The following EYS variants were observed in gnomAD, a reference collection of about 807,000 sequenced individuals.
EYS encodes protein eyes shut homolog.
In EYS, 250 loss-of-function variants were observed where a neutral mutation model predicts 282.1. The ratio of observed to expected loss-of-function variants is 0.89; its 90% confidence interval spans 0.80 to 0.98. EYS has a LOEUF of 0.98. Among genes scored for constraint, EYS ranks in the 50% least tolerant of loss-of-function variants. The probability of loss-of-function intolerance (pLI) is 0.00; values close to 1 mark genes in which losing one functional copy is unlikely to be tolerated. For synonymous variants in EYS, 1,355 were observed against 1,282.9 expected (o/e 1.06, Z -1.20); for missense variants, 4,016 against 3,709.0 (o/e 1.08, Z -2.15).
chr6:63,969,156 A>C (rs1238893840), intron 35 of EYS, among the ~76,000 whole-genome samples: 1 of 152,086 alleles, frequency 6.6e-6, no homozygotes, highest in African/African-American at 2.4e-5. Context: ...CCCCCCCTTA[A>C]GCTTCTTGAG....
chr6:65,487,273 C>T (rs10111930), intron 5 of EYS, among the ~76,000 whole-genome samples: 2 of 152,110 alleles, frequency 1.3e-5, no homozygotes, highest in African/African-American at 4.8e-5. Context: ...GGAATGCTTC[C>T]AGTTTTTGCC....
chr6:65,522,313 A>C (rs1172873972), intron 2 of EYS, among the ~76,000 whole-genome samples: 2 of 152,204 alleles, frequency 1.3e-5, no homozygotes, highest in African/African-American at 4.8e-5. Context: ...TAAATGAGAA[A>C]TTAGTGGGCC....
At chr6:64,182,856 C>G (rs1035102364) in intron 31 of EYS, among the ~76,000 whole-genome samples, 1 of 152,110 alleles carries the variant, frequency 6.6e-6, no homozygotes, top group Non-Finnish European at 1.5e-5. Context: ...CTACTCCTGT[C>G]TACCCTCTTT....
At chr6:64,859,625 A>T (rs1766170855) in intron 19 of EYS, among the ~76,000 whole-genome samples, 1 of 152,116 alleles carries the variant, frequency 6.6e-6, no homozygotes, top group Admixed American at 6.6e-5. Flanking sequence ...TTTAAAGAGG[A>T]GAGTTTCCCT....
intron 22 of EYS, among the ~76,000 whole-genome samples, chr6:64,747,109 G>A (rs1562168645): frequency 6.6e-6 from 1 of 152,136 alleles, no homozygotes; most frequent in Non-Finnish European, 1.5e-5. Context: ...ATACTTTTAA[G>A]TTAGTTTTTG....
At chr6:64,487,698 G>A (rs528103611) in intron 26 of EYS, among the ~76,000 whole-genome samples, 14 of 150,708 alleles carry the variant, frequency 9.3e-5, no homozygotes, top group Non-Finnish European at 2.1e-4. Context: ...GTACTTTCTA[G>A]TGAGTATTTA....
At chr6:63,937,345 CTTTTTTTTTTTTTTTTT>C (rs778809745) in intron 35 of EYS, among the ~76,000 whole-genome samples, 11 of 54,468 alleles carry the variant, frequency 2.0e-4, no homozygotes, top group African/African-American at 3.0e-4. Flanking sequence ...TCTCTCTTTT[CTTTTTTTTTTTTTTTTT>C]TTTTTTTTTT....
At chr6:63,816,080 G>A (rs1294404159) in intron 36 of EYS, among the ~76,000 whole-genome samples, 1 of 152,132 alleles carries the variant, frequency 6.6e-6, no homozygotes, top group Non-Finnish European at 1.5e-5. Context: ...AACACCACAT[G>A]ATGTTTCAAA....
At chr6:64,334,270 C>G (rs1466113155) in intron 29 of EYS, among the ~76,000 whole-genome samples, 1 of 152,110 alleles carries the variant, frequency 6.6e-6, no homozygotes, top group Non-Finnish European at 1.5e-5. Flanking sequence ...TTATCAATTA[C>G]TACCTGATAA....
chr6:65,542,565 T>TA (rs1011943481), intron 2 of EYS, among the ~76,000 whole-genome samples: 15 of 151,822 alleles, frequency 9.9e-5, no homozygotes, highest in Non-Finnish European at 1.8e-4. Context: ...TTCACTGTAT[T>TA]AAAAAATTAG....
chr6:64,774,370 A>T (rs1271467122), intron 22 of EYS, among the ~76,000 whole-genome samples: 2 of 151,928 alleles, frequency 1.3e-5, no homozygotes, highest in Non-Finnish European at 2.9e-5. Context: ...GATTGGTATT[A>T]TTTAATGTTG....
chr6:65,678,947 A>G (rs1265405784), intron 1 of EYS, among the ~76,000 whole-genome samples: 1 of 151,914 alleles, frequency 6.6e-6, no homozygotes, highest in Non-Finnish European at 1.5e-5. Context: ...CGACATCAAA[A>G]CAAAACAAAA....
chr6:65,522,258 T>C (rs1243955924), intron 2 of EYS, among the ~76,000 whole-genome samples: 3 of 152,240 alleles, frequency 2.0e-5, no homozygotes, highest in Non-Finnish European at 4.4e-5. Context: ...AAATGAATTA[T>C]ATATCCCTCT....
intron 33 of EYS, among the ~76,000 whole-genome samples, chr6:64,021,597 T>C (rs1355980103): frequency 1.3e-5 from 2 of 152,210 alleles, no homozygotes; most frequent in East Asian, 3.8e-4. Context: ...GGAGGAACAA[T>C]GGGACATGGT....
intron 1 of EYS, among the ~76,000 whole-genome samples, chr6:65,693,854 C>T (rs1769336755): frequency 6.7e-6 from 1 of 149,960 alleles, no homozygotes. Flanking sequence ...TCTAAGCACC[C>T]ATCTCAGCTT....
At chr6:65,546,477 TAA>T (rs1442551863) in intron 2 of EYS, among the ~76,000 whole-genome samples, 1 of 152,222 alleles carries the variant, frequency 6.6e-6, no homozygotes, top group Non-Finnish European at 1.5e-5. Flanking sequence ...ATAAATGAAA[TAA>T]GTCAATTCAA....
chr6:65,208,255 T>G (rs1344029402), intron 12 of EYS, among the ~76,000 whole-genome samples: 1 of 151,640 alleles, frequency 6.6e-6, no homozygotes. Flanking sequence ...AATTGAGAAA[T>G]CTTATACCAG....
intron 36 of EYS, among the ~76,000 whole-genome samples, chr6:63,819,498 G>A (rs564095379): frequency 6.6e-6 from 1 of 152,286 alleles, no homozygotes; most frequent in East Asian, 1.9e-4. Flanking sequence ...TAGTATGATT[G>A]TGGAAAATAT....
intron 23 of EYS, among the ~76,000 whole-genome samples, chr6:64,617,806 G>A (rs1314196395): frequency 1.3e-5 from 2 of 152,090 alleles, no homozygotes; most frequent in Non-Finnish European, 1.5e-5. Context: ...TGTATGATAT[G>A]TCTCAGCTCT....
Sources: allele counts gnomAD v4.1 joint callset (sites outside exome capture counted in the v4.1 genomes callset), GRCh38; gene constraint gnomAD v4.1.1; transcripts MANE v1.5; gene names NCBI Gene and HGNC (gene_info 2026-07-23, HGNC 2026-07-21).